Variants in WAC observed in about 807,000 individuals in gnomAD.
WAC encodes WW domain-containing adapter protein with coiled-coil.
A neutral mutation model predicts 79.6 loss-of-function variants in WAC; 11 were observed. The ratio of observed to expected loss-of-function variants is 0.14; its 90% CI spans 0.09 to 0.23. WAC has a LOEUF of 0.23. Among genes scored for constraint, WAC ranks in the 10% least tolerant of loss-of-function variants. The pLI is 1.00. For missense variants in WAC, 728 were observed against 773.5 expected (o/e 0.94, Z 0.70); for synonymous variants, 304 against 276.9 (o/e 1.10, Z -0.97).
chr10:28,599,441 G>A (rs369692429), intron 7 of WAC, among the ~76,000 whole-genome samples: 13 of 152,266 alleles, frequency 8.5e-5, no homozygotes, highest in Non-Finnish European at 1.8e-4. Context: ...GTGTGTAAAT[G>A]TTGGATGGAT....
At chr10:28,539,124 T>G (rs949497327) in intron 3 of WAC, among the ~76,000 whole-genome samples, 3 of 152,198 alleles carry the variant, frequency 2.0e-5, no homozygotes, top group African/African-American at 7.2e-5. Context: ...AAGTTAAATG[T>G]GGAACTTGTG....
intron 7 of WAC, among the ~76,000 whole-genome samples, chr10:28,600,859 T>C (rs1250421629): frequency 1.3e-5 from 2 of 151,054 alleles, no homozygotes; most frequent in South Asian, 2.1e-4. Context: ...CAAAGCAGAA[T>C]GAAAAAGACA....
chr10:28,593,056 C>T (rs1840178427), intron 6 of WAC, among the ~76,000 whole-genome samples: 1 of 152,188 alleles, frequency 6.6e-6, no homozygotes. Context: ...TGATTACTGC[C>T]TTCAGTTAAA....
At chr10:28,562,267 G>A (rs332129) in intron 3 of WAC, among the ~76,000 whole-genome samples, 80,890 of 151,846 alleles carry the variant, frequency 0.53, 21,731 homozygotes, top group Middle Eastern at 0.65. Flanking sequence ...ATGTTAGCCA[G>A]GCTGGTCTCG....
At chr10:28,538,866 TAAA>T (rs5784069) in intron 3 of WAC, among the ~76,000 whole-genome samples, 5 of 126,886 alleles carry the variant, frequency 3.9e-5, no homozygotes, top group Non-Finnish European at 6.6e-5. Flanking sequence ...CCCGTCTGTT[TAAA>T]AAAAAAAAAA....
intron 3 of WAC, among the ~76,000 whole-genome samples, chr10:28,580,660 T>C (rs1364152156): frequency 6.6e-6 from 1 of 152,130 alleles, no homozygotes; most frequent in Non-Finnish European, 1.5e-5. Flanking sequence ...ACTCTGCGAG[T>C]AGTGCATATA....
intron 9 of WAC, chr10:28,611,297 A>G: frequency 1.5e-6 from 2 of 1,292,672 alleles, no homozygotes; most frequent in South Asian, 2.5e-5. Context: ...AGAGATACAC[A>G]TAGGAGCAAA....
At chr10:28,552,709 T>C (rs939502782) in intron 3 of WAC, among the ~76,000 whole-genome samples, 8 of 152,168 alleles carry the variant, frequency 5.3e-5, no homozygotes, top group Non-Finnish European at 7.3e-5. Context: ...GATTGTATGC[T>C]GGTAGAGAGT....
intron 13 of WAC, among the ~76,000 whole-genome samples, chr10:28,618,894 A>T (rs951788395): frequency 2.6e-5 from 4 of 152,228 alleles, no homozygotes; most frequent in African/African-American, 9.6e-5. Flanking sequence ...GGTTTATTTC[A>T]TGTATAATAG....
rs940665806 is a variant in WAC, at chr10:28,552,303, C to T, written c.274+16546C>T. Among the ~76,000 whole-genome samples, 11 of 152,268 alleles carry T rather than the reference C, an allele frequency of 7.2e-5. No individual in the cohort carries two copies. In the South Asian group the frequency reaches 1.2e-3, roughly 17 times the overall value. ...ATGTATCGTTATGGTTTTTCTTCTG[C>T]CTAGGCTCAGAATTTATCAGAATCA... On this transcript the variant is annotated intron_variant, in intron 3 of 13. Coordinates refer to ENST00000354911, the MANE Select transcript of WAC (RefSeq NM_016628.5).
chr10:28,538,365 T>G, intron 3 of WAC: 1 of 281,788 alleles, frequency 3.5e-6, no homozygotes, highest in Non-Finnish European at 7.7e-6. Flanking sequence ...GCAGATCACC[T>G]GAGGTCAGGA....
chr10:28,606,331 C>T (rs1369529934), intron 7 of WAC, among the ~76,000 whole-genome samples: 1 of 152,204 alleles, frequency 6.6e-6, no homozygotes, highest in African/African-American at 2.4e-5. Context: ...CCACCACGTC[C>T]ATCTGACAGC....
intron 7 of WAC, among the ~76,000 whole-genome samples, chr10:28,602,447 C>G (rs539575592): frequency 5.1e-4 from 77 of 152,258 alleles, no homozygotes; most frequent in Non-Finnish European, 8.5e-4. Context: ...TTTTTTCCTA[C>G]TACACTTACA....
At chr10:28,551,065 T>C (rs916277549) in intron 3 of WAC, among the ~76,000 whole-genome samples, 5 of 152,212 alleles carry the variant, frequency 3.3e-5, no homozygotes, top group Non-Finnish European at 7.3e-5. Flanking sequence ...GAGATTTTTA[T>C]GGTTTTCCTT....
intron 3 of WAC, among the ~76,000 whole-genome samples, chr10:28,564,578 T>A (rs1375515536): frequency 2.0e-5 from 3 of 152,288 alleles, no homozygotes; most frequent in Middle Eastern, 6.8e-3. Context: ...TACTCATGCT[T>A]GTTAATAGGC....
In WAC at chr10:28,558,582, TTATG is replaced by T. The variant is rs761161225; in HGVS notation, c.274+22828_274+22831del. Among the ~76,000 whole-genome samples, 86 of 152,250 alleles carry T rather than the reference TTATG, an allele frequency of 5.6e-4. No individual in the cohort carries two copies. In the East Asian group the frequency reaches 8.5e-3, roughly 15 times the overall value. Reference sequence around the variant, plus strand: ...TATAAATATAAATTGTAAAAAAAAATTATGTAAGTGAACCACCTGTGTTATGTTC... The same window carrying T: ...TATAAATATAAATTGTAAAAAAAAATTAAGTGAACCACCTGTGTTATGTTC... On this transcript the variant is annotated intron_variant, in intron 3 of 13. Transcript: ENST00000354911.
At chr10:28,535,904 A>T in intron 3 of WAC, 147 bp downstream of exon 3, 7 of 714,602 alleles carry the variant, frequency 9.8e-6, no homozygotes, top group Non-Finnish European at 1.5e-5. Flanking sequence ...TTTTACTCTG[A>T]ACAAGTTACT....
chr10:28,587,733 A>G (rs966218278), intron 4 of WAC, among the ~76,000 whole-genome samples: 11 of 152,186 alleles, frequency 7.2e-5, no homozygotes, highest in African/African-American at 1.4e-4. Flanking sequence ...GAGAAAATAA[A>G]GTTATTGGTA....
intron 3 of WAC, among the ~76,000 whole-genome samples, chr10:28,575,122 A>G (rs759171050): frequency 2.0e-5 from 3 of 152,126 alleles, no homozygotes; most frequent in Non-Finnish European, 2.9e-5. Flanking sequence ...TGTTTGTGTA[A>G]GATTTAGTTG....
Sources: gnomAD v4.1 joint callset for allele counts (sites outside exome capture counted in the v4.1 genomes callset) on GRCh38, gnomAD v4.1.1 for gene constraint, MANE v1.5 for transcripts, NCBI Gene and HGNC (gene_info 2026-07-23, HGNC 2026-07-21) for gene names.